Variants in HSPG2 observed in about 807,000 individuals in gnomAD.
HSPG2 encodes the protein basement membrane-specific heparan sulfate proteoglycan core protein.
A neutral mutation model predicts 526.6 loss-of-function variants in HSPG2; 278 were observed. That is an observed-to-expected ratio of 0.53 (90% CI 0.48 to 0.58). The LOEUF (loss-of-function observed/expected upper bound fraction) is 0.58, where lower values mean the gene tolerates loss of function less well. Ranked by LOEUF, HSPG2 falls within the 20% of genes least tolerant of loss-of-function variation. HSPG2 has a pLI of 0.00. For synonymous variants in HSPG2, 2,465 were observed against 2,555.4 expected (o/e 0.96, Z 1.07); for missense variants, 5,354 against 6,099.5 (o/e 0.88, Z 4.07).
intron 1 of HSPG2, among the ~76,000 whole-genome samples, chr1:21,934,180 C>T (rs1000620217): frequency 6.6e-6 from 1 of 152,254 alleles, no homozygotes; most frequent in African/African-American, 2.4e-5. Context: ...TGTCCCCCGT[C>T]CCGGGGAAGC....
At chr1:21,861,884 A>G (rs369361502) in intron 38 of HSPG2, 41 bp from the exon 39 acceptor site, 4 of 1,613,352 alleles carry the variant, frequency 2.5e-6, no homozygotes, top group African/African-American at 2.7e-5. Context: ...GGGAAGCCCA[A>G]TCTCCATCTT....
At chr1:21,888,441 C>T (rs1480094247) in intron 6 of HSPG2, among the ~76,000 whole-genome samples, 2 of 152,212 alleles carry the variant, frequency 1.3e-5, no homozygotes, top group African/African-American at 4.8e-5. Context: ...CCCTTCTTTC[C>T]TCTCCATCCT....
chr1:21,873,858 C>T, intron 29 of HSPG2, 67 bp downstream of exon 29: 4 of 1,385,656 alleles, frequency 2.9e-6, no homozygotes, highest in Non-Finnish European at 4.0e-6. Context: ...GAGCGCTGGG[C>T]CCTGCCTGAG....
At position 21,922,457 on chromosome 1, in the gene HSPG2, A is replaced by G. The variant is rs181117562; in HGVS notation, c.63+14698T>C. 4.6e-5 allele frequency among the ~76,000 whole-genome samples: 7 copies of G among 152,318 alleles called. No homozygotes were observed. In the East Asian group the frequency reaches 1.4e-3, roughly 29 times the overall value. ...TAGCCAGGGTCCTCCTGGTCTTTCT[A>G]AAACCAAGTGTCCTGGGCTTAGAAA... On this transcript the variant is annotated intron_variant, in intron 1 of 96. Transcript: ENST00000374695.
intron 1 of HSPG2, among the ~76,000 whole-genome samples, chr1:21,903,200 T>C (rs1013065972): frequency 5.9e-5 from 9 of 152,126 alleles, no homozygotes; most frequent in African/African-American, 2.2e-4. Flanking sequence ...TAACACTTCA[T>C]CCTAAGGGAA....
intron 1 of HSPG2, among the ~76,000 whole-genome samples, chr1:21,914,481 T>A (rs1319394163): frequency 6.6e-6 from 1 of 152,026 alleles, no homozygotes; most frequent in African/African-American, 2.4e-5. Context: ...ATTGTCTCTA[T>A]CCCCCGGAGG....
chr1:21,823,539 C>A, intron 96 of HSPG2, 51 bp from the exon 97 acceptor site: 1 of 1,610,142 alleles, frequency 6.2e-7, no homozygotes, highest in Non-Finnish European at 8.5e-7. Context: ...GCCCAGGAGG[C>A]GAGGAAGGCT....
chr1:21,883,646 G>T (rs1641664567), intron 13 of HSPG2, among the ~76,000 whole-genome samples: 1 of 152,170 alleles, frequency 6.6e-6, no homozygotes, highest in African/African-American at 2.4e-5. Context: ...TTTTATACAA[G>T]TCATTTTTAG....
chr1:21,864,184 C>T lies in HSPG2; in HGVS notation c.4656G>A (p.Gly1552=). 1 of 1,553,820 alleles carries T rather than the reference C, an allele frequency of 6.4e-7. No individual in the cohort carries two copies. Among genetic ancestry groups the T allele is most frequent in the South Asian group, 1.2e-5 (1 of 84,154 alleles). ...CGCAGTGGCCGAGGTAGAGCCCACT[C>T]CCGGTGCGCGTGTAGCCGGGGGCAC... ...QDCAPGYTRT[G]SGLYLGHCEL... Residue 1552 remains glycine, a synonymous_variant, in exon 37 of 97, where the codon GGG becomes GGA. Coordinates refer to ENST00000374695, the MANE Select transcript of HSPG2 (RefSeq NM_005529.7). This position sits in a 1 kb window ranked among gnomAD's most constrained non-coding sequence, Gnocchi z 4.8.
rs751347458 is a variant in HSPG2, at chr1:21,848,761, G to T, written c.7619C>A (p.Ser2540Tyr). Reference sequence around the variant, plus strand: ...TCCATTGGCCAGGGAGGCTGAGGAGGACTCGATGCGGACGGGGTACGCCAC... The same window carrying T: ...TCCATTGGCCAGGGAGGCTGAGGAGTACTCGATGCGGACGGGGTACGCCAC... ...QGVAYPVRIE[S>Y]SSASLANGHT... The change falls in exon 59 of 97, where the codon TCC becomes TAC. Residue 2540 changes from serine to tyrosine, a missense_variant. Ser to Tyr is a moderately radical substitution (Grantham distance 144). Transcript: ENST00000374695. This position sits in a 1 kb window ranked among gnomAD's most constrained non-coding sequence, Gnocchi z 4.9. 6 of 1,613,904 alleles carry T rather than the reference G, an allele frequency of 3.7e-6. No individual in the cohort carries two copies. The highest frequency in any genetic ancestry group is 2.5e-6 in the Non-Finnish European group (3 of 1,179,998).
chr1:21,866,867 C>G (rs1441721263), intron 33 of HSPG2, among the ~76,000 whole-genome samples: 6 of 152,202 alleles, frequency 3.9e-5, no homozygotes, highest in Non-Finnish European at 7.3e-5. Context: ...ACACACGGCC[C>G]TGGGCTACAT....
In HSPG2 at chr1:21,937,146, C is replaced by T; in HGVS notation, c.63+9G>A. The T allele has an allele frequency of 1.3e-6, 1 of 797,482 alleles. No homozygotes were observed. The highest frequency in any genetic ancestry group is 1.6e-6 in the Non-Finnish European group (1 of 620,006). The allele number at this position is 797,482 out of a possible 1,614,324, so 49.4% of individuals were successfully genotyped here. The stretch of plus-strand genomic sequence containing the variant: ...CCCCGCCCCCCGCCCCTCTGCCCCG[C>T]ACACTCACCGCCAGCAGCCGCCCGT... On this transcript the variant is annotated intron_variant, in intron 1 of 96. Coordinates refer to ENST00000374695, the MANE Select transcript of HSPG2 (RefSeq NM_005529.7).
intron 25 of HSPG2, 87 bp downstream of exon 25, chr1:21,875,542 G>A (rs2152748169): frequency 1.0e-6 from 1 of 979,840 alleles, no homozygotes; most frequent in African/African-American, 1.6e-5. Context: ...GGGTCACACA[G>A]TCTGTAAGTG....
At position 21,849,097 on chromosome 1, in the gene HSPG2, T is replaced by C. The variant is rs573263093; in HGVS notation, c.7447-66A>G. The C allele has an allele frequency of 3.1e-5, 49 of 1,568,826 alleles. No homozygotes were observed. The Admixed American group carries it at 6.3e-4, about 20-fold the overall frequency. Reference sequence around the variant, plus strand: ...CACTGCGGCTCACGCCAAGCTCCTGTTCCCTTCCCTGGTGCCACTCCCAGC... The same window carrying C: ...CACTGCGGCTCACGCCAAGCTCCTGCTCCCTTCCCTGGTGCCACTCCCAGC... On this transcript the variant is annotated intron_variant, in intron 57 of 96. Coordinates refer to ENST00000374695, the MANE Select transcript of HSPG2 (RefSeq NM_005529.7).
rs2098037683 is a variant in HSPG2 at position 21,838,898 on chromosome 1, G to C, written c.10077C>G (p.Asp3359Glu). The change falls in exon 74 of 97, where the codon GAC (aspartate) becomes GAG (glutamate). Residue 3359 changes from aspartate to glutamate, a missense_variant. Coordinates refer to ENST00000374695, the MANE Select transcript of HSPG2 (RefSeq NM_005529.7). The part of the protein sequence containing the change: ...LLHFERAAPE[D>E]SGRYRCRVTN... ...TGACCCGGCAGCGGTAGCGGCCTGA[G>C]TCCTCAGGGGCTGCACGCTCAAAGT... 6.2e-7 allele frequency: 1 copy of C among 1,612,642 alleles called. No individual in the cohort carries two copies. Among genetic ancestry groups the C allele is most frequent in the Non-Finnish European group, 8.5e-7 (1 of 1,179,620 alleles).
At chr1:21,863,557 A>G (rs1196397350) in intron 37 of HSPG2, among the ~76,000 whole-genome samples, 3 of 151,468 alleles carry the variant, frequency 2.0e-5, no homozygotes, top group African/African-American at 7.3e-5. Flanking sequence ...GGCTATATAC[A>G]TGCTACTCTG....
chr1:21,862,179 T>A lies in HSPG2; in HGVS notation c.4741-64A>T, dbSNP rs1268914261. ...CAAATTTACCAGAAGCCTTTCAGGG[T>A]TGCAATCCCTTGATCTAGAAATTCC... On this transcript the variant is annotated intron_variant, in intron 37 of 96. Transcript: ENST00000374695. 6.4e-6 allele frequency: 10 copies of A among 1,568,280 alleles called. No individual in the cohort carries two copies. The Admixed American group carries it at 1.5e-4, about 24-fold the overall frequency.
rs572470790 is a variant in HSPG2 at position 21,869,591 on chromosome 1, G to A, written c.4221+2595C>T. 565 of 986,078 alleles carry A rather than the reference G, an allele frequency of 5.7e-4. 1 individual carries two copies. In the African/African-American group the frequency reaches 9.5e-3, roughly 17 times the overall value. The allele number at this position is 986,078 out of a possible 1,614,324, so 61.1% of individuals were successfully genotyped here. Reference sequence around the variant, plus strand: ...TGAGGAGAGAGCCCCTGGGGAGGGGGTTGGGGTTGGGCAGCAAAGCTGGAC... The same window carrying A: ...TGAGGAGAGAGCCCCTGGGGAGGGGATTGGGGTTGGGCAGCAAAGCTGGAC... On this transcript the variant is annotated intron_variant, in intron 33 of 96. Coordinates refer to ENST00000374695, the MANE Select transcript of HSPG2 (RefSeq NM_005529.7).
Position 21,874,914 on chromosome 1 carries a change from C to T in HSPG2, c.3391G>A (p.Gly1131Arg), listed in dbSNP as rs767221837. The T allele has an allele frequency of 5.6e-6, 9 of 1,612,470 alleles. No homozygotes were observed. The highest frequency in any genetic ancestry group is 4.0e-5 in the African/African-American group (3 of 74,988). The change falls in exon 26 of 97, where the codon GGG (glycine) becomes AGG (arginine). Residue 1131 changes from glycine (G) to arginine (R), a missense_variant. Coordinates refer to ENST00000374695, the MANE Select transcript of HSPG2 (RefSeq NM_005529.7). The stretch of plus-strand genomic sequence containing the variant: ...ACCTGGCAGGACGGCCCACGGTACC[C>T]GGGTGGGCAGGAGCACTGTTCCACT... ...LEVEQCSCPP[G>R]YRGPSCQDCD...
Sources: allele counts gnomAD v4.1 joint callset (sites outside exome capture counted in the v4.1 genomes callset), GRCh38; gene constraint gnomAD v4.1.1; non-coding constraint Gnocchi (gnomAD v3.1); transcripts MANE v1.5; gene names NCBI Gene and HGNC (gene_info 2026-07-23, HGNC 2026-07-21).